The following C17orf113 variants were observed in gnomAD, a reference collection of about 807,000 sequenced individuals.
C17orf113 encodes the protein uncharacterized protein C17orf113.
Under a neutral mutation model 11.6 loss-of-function variants are expected in C17orf113, and 5 were observed. That is an observed-to-expected ratio of 0.43 (90% CI 0.23 to 0.91). The LOEUF (loss-of-function observed/expected upper bound fraction) is 0.91, where lower values mean the gene tolerates loss of function less well. Ranked by LOEUF, C17orf113 falls within the 40% of genes least tolerant of loss-of-function variation. C17orf113 has a pLI of 0.26. For missense variants in C17orf113, 714 were observed against 841.3 expected (o/e 0.85, Z 1.87); for synonymous variants, 327 against 390.6 (o/e 0.84, Z 1.92).
In C17orf113 at chr17:42,039,374, C is replaced by G. The variant is rs925773929; in HGVS notation, c.*331G>C. ...CCTTCCCCAAGCCAAAAACTCCCAT[C>G]TTTGGGGGGACCCAAACTTGCCCCG... On this transcript the variant is annotated 3_prime_UTR_variant, in exon 3 of 3. Coordinates refer to ENST00000587304, the MANE Select transcript of C17orf113 (RefSeq NM_001358661.2). The G allele has an allele frequency of 1.9e-5, 5 of 265,332 alleles. No homozygotes were observed. The highest frequency in any genetic ancestry group is 3.5e-5 in the Non-Finnish European group (5 of 142,098). The allele number at this position is 265,332 out of a possible 1,614,324, so 16.4% of individuals were successfully genotyped here. A position where few individuals can be genotyped will look rare whatever the true frequency, so the allele number is the denominator to read the frequency against.
In C17orf113 at chr17:42,050,159, G is replaced by C. The variant is rs1172420927; in HGVS notation, c.-188+398C>G. On this transcript the variant is annotated intron_variant, in intron 1 of 2. Transcript: ENST00000587304. The surrounding 1 kb of genome is among the most constrained non-coding windows in gnomAD (Gnocchi z 5.6). ...ATTTCTCTCCACACCCTGACCAGCC[G>C]GATGGGAGCAGGAACAACTTGACAA... is the stretch of plus-strand genomic sequence containing the variant. Among the ~76,000 whole-genome samples, 2 of 145,114 alleles carry C rather than the reference G, an allele frequency of 1.4e-5. No homozygotes were observed. Among genetic ancestry groups the C allele is most frequent in the East Asian group, 2.2e-4 (1 of 4,468 alleles).
Position 42,047,644 on chromosome 17 carries a change from C to A in C17orf113, c.-188+2913G>T, listed in dbSNP as rs547110065. ...GCCAGATGCAATCGTAACTTCTTGGCCCTCTTCCTTGGGACTTTTTTTTTT... is the reference window on the plus strand; with the variant it reads ...GCCAGATGCAATCGTAACTTCTTGGACCTCTTCCTTGGGACTTTTTTTTTT... On this transcript the variant is annotated intron_variant, in intron 1 of 2. Coordinates refer to ENST00000587304, the MANE Select transcript of C17orf113 (RefSeq NM_001358661.2). 1.1e-4 allele frequency among the ~76,000 whole-genome samples: 16 copies of A among 152,028 alleles called. No homozygotes were observed. The South Asian group carries it at 3.3e-3, about 32-fold the overall frequency.
At chr17:42,048,187 C>T (rs2053208532) in intron 1 of C17orf113, among the ~76,000 whole-genome samples, 1 of 152,038 alleles carries the variant, frequency 6.6e-6, no homozygotes, top group Admixed American at 6.6e-5. Flanking sequence ...CACACCACTC[C>T]ATCCAGCTGC....
chr17:42,045,728 G>C (rs1482494515), intron 1 of C17orf113, among the ~76,000 whole-genome samples: 1 of 152,110 alleles, frequency 6.6e-6, no homozygotes, highest in Non-Finnish European at 1.5e-5. Context: ...GTCTCTGCAT[G>C]GTCATTTCCC....
At position 42,038,280 on chromosome 17, in the gene C17orf113, G is replaced by A. The variant is rs1349782383; in HGVS notation, c.*1425C>T. On this transcript the variant is annotated 3_prime_UTR_variant, in exon 3 of 3. Transcript: ENST00000587304. ...TTGCAAATTAAACTCAAACCCAGGG[G>A]TATTAGGAAAAGGCTAGCCCTCGCC... The A allele has an allele frequency of 1.8e-6, 1 of 540,604 alleles. No homozygotes were observed. The highest frequency in any genetic ancestry group is 3.3e-5 in the East Asian group (1 of 30,744). The allele number at this position is 540,604 out of a possible 1,614,324, so 33.5% of individuals were successfully genotyped here. A position where few individuals can be genotyped will look rare whatever the true frequency, so the allele number is the denominator to read the frequency against.
chr17:42,044,079 G>A (rs1359749298), intron 1 of C17orf113, among the ~76,000 whole-genome samples: 2 of 150,246 alleles, frequency 1.3e-5, no homozygotes, highest in Non-Finnish European at 3.0e-5. Context: ...ACTTTGGGAG[G>A]TGGCTCACTT....
At position 42,039,804 on chromosome 17, in the gene C17orf113, T is replaced by A. The variant is rs2052962602; in HGVS notation, c.1929A>T (p.Ala643=). 9 of 1,232,108 alleles carry A rather than the reference T, an allele frequency of 7.3e-6. No individual in the cohort carries two copies. In the South Asian group the frequency reaches 3.3e-4, roughly 45 times the overall value. The allele number at this position is 1,232,108 out of a possible 1,614,324, so 76.3% of individuals were successfully genotyped here. Residue 643 remains alanine (A), a synonymous_variant, in exon 3 of 3, where the codon GCA becomes GCT. Transcript: ENST00000587304. ...EGRGGHMVKI[A]VDGPPLHEFD... is the part of the protein sequence containing the mutation. Reference sequence around the variant, plus strand: ...ACTCGTGCAGCGGGGGCCCATCCACTGCGATCTTCACCATGTGGCCCCCCC... The same window carrying A: ...ACTCGTGCAGCGGGGGCCCATCCACAGCGATCTTCACCATGTGGCCCCCCC...
chr17:42,039,591 C>A lies in C17orf113; in HGVS notation c.*114G>T. 9.8e-7 allele frequency: 1 copy of A among 1,018,906 alleles called. No homozygotes were observed. Among genetic ancestry groups the A allele is most frequent in the Non-Finnish European group, 1.3e-6 (1 of 794,152 alleles). 63.1% of individuals were successfully genotyped at this position (1,018,906 alleles called of 1,614,324 possible). A position where few individuals can be genotyped will look rare whatever the true frequency, so the allele number is the denominator to read the frequency against. Reference sequence around the variant, plus strand: ...AGAAGGGCGGGTGGATGGCCTCAGGCCCCTGGGAGGCTGCAGTCAGCAGAT... The same window carrying A: ...AGAAGGGCGGGTGGATGGCCTCAGGACCCTGGGAGGCTGCAGTCAGCAGAT... On this transcript the variant is annotated 3_prime_UTR_variant, in exon 3 of 3. Coordinates refer to ENST00000587304, the MANE Select transcript of C17orf113 (RefSeq NM_001358661.2).
intron 2 of C17orf113, 122 bp downstream of exon 2, chr17:42,042,712 G>A: frequency 1.4e-6 from 1 of 705,212 alleles, no homozygotes; most frequent in Non-Finnish European, 2.0e-6. Flanking sequence ...GTTCTGAAGG[G>A]TGAAGATATG....
Position 42,039,452 on chromosome 17 carries a change from G to A in C17orf113, c.*253C>T, listed in dbSNP as rs746421670. 6.4e-4 allele frequency: 240 copies of A among 373,398 alleles called. 1 individual carries two copies. The highest frequency in any genetic ancestry group is 9.8e-4 in the Non-Finnish European group (207 of 210,772). The allele number at this position is 373,398 out of a possible 1,614,324, so 23.1% of individuals were successfully genotyped here. On this transcript the variant is annotated 3_prime_UTR_variant, in exon 3 of 3. Coordinates refer to ENST00000587304, the MANE Select transcript of C17orf113 (RefSeq NM_001358661.2). ...TCCTCATCTAACTGTGTAAAGGCCAGGAATGATTTAGGGTACCCCAGATCC... is the reference window on the plus strand; with the variant it reads ...TCCTCATCTAACTGTGTAAAGGCCAAGAATGATTTAGGGTACCCCAGATCC...
chr17:42,038,330 C>A lies in C17orf113; in HGVS notation c.*1375G>T. 2.3e-6 allele frequency: 1 copy of A among 432,560 alleles called. No individual in the cohort carries two copies. Among genetic ancestry groups the A allele is most frequent in the Non-Finnish European group, 4.1e-6 (1 of 242,704 alleles). 26.8% of individuals were successfully genotyped at this position (432,560 alleles called of 1,614,324 possible). A position where few individuals can be genotyped will look rare whatever the true frequency, so the allele number is the denominator to read the frequency against. The stretch of plus-strand genomic sequence containing the variant: ...CCCTCTCACTCTCTAACTATCCTCC[C>A]TCCCTCCAGATCCCCAGGATTTCAT... On this transcript the variant is annotated 3_prime_UTR_variant, in exon 3 of 3. Coordinates refer to ENST00000587304, the MANE Select transcript of C17orf113 (RefSeq NM_001358661.2).
chr17:42,045,508 T>C (rs2053140394), intron 1 of C17orf113, among the ~76,000 whole-genome samples: 3 of 152,248 alleles, frequency 2.0e-5, no homozygotes, highest in Admixed American at 6.5e-5. Flanking sequence ...GATATTATCC[T>C]TTTGGAGAGG....
intron 1 of C17orf113, among the ~76,000 whole-genome samples, chr17:42,046,709 T>C (rs2143713274): frequency 6.6e-6 from 1 of 152,018 alleles, no homozygotes; most frequent in Admixed American, 6.6e-5. Context: ...AACACAGCAA[T>C]ACCCAGTCTC....
At chr17:42,049,350 C>T (rs1213418686) in intron 1 of C17orf113, among the ~76,000 whole-genome samples, 1 of 151,994 alleles carries the variant, frequency 6.6e-6, no homozygotes, top group African/African-American at 2.4e-5. Flanking sequence ...AGTTCTCTTG[C>T]TTCATCCTCT....
rs2052958709 is a variant in C17orf113 at position 42,039,711 on chromosome 17, G to A, written c.2022C>T (p.Leu674=). Residue 674 remains leucine (L), a synonymous_variant, in exon 3 of 3, where the codon CTC becomes CTT. Coordinates refer to ENST00000587304, the MANE Select transcript of C17orf113 (RefSeq NM_001358661.2). ...CGAGGGAAGGAGGCCACCCTCAGGT[G>A]AGCTGCGACCCCAGGAAGCCCTCTC... The part of the protein sequence containing the change: ...GWGEGFLGSQ[L]T The A allele has an allele frequency of 8.1e-7, 1 of 1,232,542 alleles. No homozygotes were observed. Among genetic ancestry groups the A allele is most frequent in the East Asian group, 3.2e-5 (1 of 31,720 alleles). The allele number at this position is 1,232,542 out of a possible 1,614,324, so 76.4% of individuals were successfully genotyped here.
chr17:42,041,263 G>C (rs908339154), intron 2 of C17orf113, 74 bp from the exon 3 acceptor site: 1 of 1,201,336 alleles, frequency 8.3e-7, no homozygotes, highest in Non-Finnish European at 1.0e-6. Context: ...CAGGCAGTGC[G>C]GGGTGGTGGA....
chr17:42,049,382 C>T (rs1421717218), intron 1 of C17orf113, among the ~76,000 whole-genome samples: 5 of 152,186 alleles, frequency 3.3e-5, no homozygotes, highest in African/African-American at 9.7e-5. Context: ...TTCTCATGCA[C>T]GTTCCCTGAG....
Position 42,040,897 on chromosome 17 carries a change from C to A in C17orf113, c.836G>T (p.Gly279Val). The A allele has an allele frequency of 8.1e-7, 1 of 1,232,250 alleles. No individual in the cohort carries two copies. The highest frequency in any genetic ancestry group is 1.0e-6 in the Non-Finnish European group (1 of 988,018). 76.3% of individuals were successfully genotyped at this position (1,232,250 alleles called of 1,614,324 possible). A position where few individuals can be genotyped will look rare whatever the true frequency, so the allele number is the denominator to read the frequency against. The change falls in exon 3 of 3, where the codon GGG becomes GTG. Residue 279 changes from glycine to valine, a missense_variant. Transcript: ENST00000587304. ...GGCCCGGAGCTGTGGGCCCACACTC[C>A]CCAGGCGCTCACTGGGGAGGCTTGA... ...LSSSLPSERL[G>V]SVGPQLRATC...
intron 1 of C17orf113, among the ~76,000 whole-genome samples, chr17:42,046,469 G>A (rs376067139): frequency 1.3e-5 from 2 of 151,934 alleles, no homozygotes; most frequent in Non-Finnish European, 2.9e-5. Flanking sequence ...GCATGGTGGT[G>A]TATGCCTGTA....
Sources: gnomAD v4.1 joint callset for allele counts (sites outside exome capture counted in the v4.1 genomes callset) on GRCh38, gnomAD v4.1.1 for gene constraint, Gnocchi (gnomAD v3.1) non-coding constraint, MANE v1.5 for transcripts, NCBI Gene and HGNC (gene_info 2026-07-23, HGNC 2026-07-21) for gene names.